Variants in FAAH2 observed in about 807,000 individuals in gnomAD.
FAAH2 encodes fatty-acid amide hydrolase 2.
FAAH2 carries 60 observed loss-of-function variants against 36.9 expected under a neutral mutation model. That is an observed-to-expected ratio of 1.63 (90% CI 1.32 to 2.02). The LOEUF is 2.02. Among genes scored for constraint, FAAH2 ranks in the 30% most tolerant of loss-of-function variants. FAAH2 has a pLI of 0.00. For synonymous variants in FAAH2, 214 were observed against 143.8 expected, an observed-to-expected ratio of 1.49 and a Z score of -3.49; for missense variants, 689 against 397.5, an observed-to-expected ratio of 1.73 and a Z score of -6.23.
intron 10 of FAAH2, among the ~76,000 whole-genome samples, chrX:57,467,619 G>A (rs1355373278): frequency 9.0e-6 from 1 of 111,729 alleles, no homozygotes; most frequent in Non-Finnish European, 1.9e-5. Context: ...GAACTGGGTG[G>A]AGCCCACCAC....
intron 3 of FAAH2, among the ~76,000 whole-genome samples, chrX:57,318,717 A>G (rs752343560): frequency 1.8e-5 from 2 of 111,930 alleles, no homozygotes; most frequent in East Asian, 5.6e-4. Context: ...AGACACAACA[A>G]AAAAAGAAAA....
intron 4 of FAAH2, among the ~76,000 whole-genome samples, chrX:57,336,594 A>T (rs1346551842): frequency 5.4e-5 from 6 of 111,728 alleles, no homozygotes; most frequent in African/African-American, 2.0e-4. Context: ...CCCACACCAA[A>T]CCACACAACT....
chrX:57,458,826 A>G (rs2056908690), intron 10 of FAAH2, among the ~76,000 whole-genome samples: 1 of 112,347 alleles, frequency 8.9e-6, no homozygotes, highest in African/African-American at 3.2e-5. Context: ...AATCCAAAGA[A>G]CAGGAGATTC....
At chrX:57,446,776 A>G (rs1257483053) in intron 8 of FAAH2, 152 bp from the exon 9 acceptor site, 2 of 418,736 alleles carry the variant, frequency 4.8e-6, no homozygotes, top group African/African-American at 4.9e-5. Context: ...ACTGAGTAAT[A>G]TTTTATCAAT....
chrX:57,349,488 TAC>T (rs1209215983), intron 5 of FAAH2, among the ~76,000 whole-genome samples: 1 of 101,620 alleles, frequency 9.8e-6, no homozygotes, highest in Non-Finnish European at 2.0e-5. Context: ...CACATATATA[TAC>T]ACATATATAC....
At chrX:57,233,833 T>C in the FAAH2 span, among the ~76,000 whole-genome samples, 1 of 112,210 alleles carries the variant, frequency 8.9e-6, no homozygotes, top group African/African-American at 3.2e-5. Flanking sequence ...TTTGTGGAGA[T>C]AGGGTTTTGC....
At chrX:57,345,944 A>C (rs1374944529) in intron 5 of FAAH2, among the ~76,000 whole-genome samples, 1 of 111,391 alleles carries the variant, frequency 9.0e-6, no homozygotes, top group Admixed American at 9.6e-5. Flanking sequence ...GAAATATTTT[A>C]TTTATATTGG....
Position 57,488,861 on chromosome X carries a change from C to T in FAAH2, c.1528C>T (p.His510Tyr). ...GGTTGTGGCTGGACCCTTTAATGAT[C>T]ATCTGACCCTGGCTGTGGCCCAGTA... ...IQVVAGPFNDHLTLAVAQYLE... is the reference protein window; with the variant it reads ...IQVVAGPFNDYLTLAVAQYLE... Residue 510 changes from histidine (H) to tyrosine (Y), a missense_variant, in exon 11 of 11, where the codon CAT becomes TAT. Physicochemically the swap from His to Tyr is moderately conservative, Grantham distance 83. Transcript: ENST00000374900. 1.2e-5 allele frequency: 15 copies of T among 1,211,008 alleles called. No individual in the cohort carries two copies. Among genetic ancestry groups the T allele is most frequent in the Non-Finnish European group, 1.5e-5 (13 of 895,335 alleles).
At chrX:57,454,284 C>T (rs756216092) in intron 10 of FAAH2, among the ~76,000 whole-genome samples, 32 of 112,516 alleles carry the variant, frequency 2.8e-4, no homozygotes, top group African/African-American at 9.7e-4. Context: ...AAAGTCATGA[C>T]CCTTTGAAAT....
chrX:57,481,409 C>T (rs952654199), intron 10 of FAAH2, among the ~76,000 whole-genome samples: 1 of 111,419 alleles, frequency 9.0e-6, no homozygotes, highest in African/African-American at 3.3e-5. Flanking sequence ...AGCTGATAAC[C>T]TTGGATGGGG....
At chrX:57,159,399 G>C in the FAAH2 span, among the ~76,000 whole-genome samples, 4 of 111,439 alleles carry the variant, frequency 3.6e-5, no homozygotes, top group East Asian at 8.4e-4. Flanking sequence ...AGCTTGATGG[G>C]GATGGCATTG....
At chrX:57,393,302 G>T in intron 7 of FAAH2, 1 of 1,010,021 alleles carries the variant, frequency 9.9e-7, no homozygotes, top group Non-Finnish European at 1.4e-6. Context: ...AGGCATTCCA[G>T]CAGTGACCAT....
chrX:57,259,397 T>A, the FAAH2 span, among the ~76,000 whole-genome samples: 1 of 111,858 alleles, frequency 8.9e-6, no homozygotes, highest in Non-Finnish European at 1.9e-5. Context: ...GGGGTGTTTG[T>A]ATGTCTGTGT....
chrX:57,223,000 G>C, the FAAH2 span, among the ~76,000 whole-genome samples: 1 of 111,799 alleles, frequency 8.9e-6, no homozygotes, highest in Non-Finnish European at 1.9e-5. Context: ...TCTTCCTCAA[G>C]CTCTCACTCT....
intron 7 of FAAH2, chrX:57,393,089 G>T: frequency 3.2e-6 from 3 of 935,659 alleles, no homozygotes; most frequent in Non-Finnish European, 1.6e-6. Flanking sequence ...CTGCCAGTGA[G>T]TGCACTTCAC....
intron 10 of FAAH2, among the ~76,000 whole-genome samples, chrX:57,470,725 G>A (rs188501284): frequency 1.6e-4 from 18 of 111,575 alleles, no homozygotes; most frequent in East Asian, 1.1e-3. Flanking sequence ...GAAAAAGAGC[G>A]AATCCTCCCT....
At chrX:57,293,298 C>T (rs2052039477) in intron 2 of FAAH2, among the ~76,000 whole-genome samples, 1 of 111,729 alleles carries the variant, frequency 9.0e-6, no homozygotes. Flanking sequence ...TATTGAAAAC[C>T]TATCATTTAA....
intron 10 of FAAH2, among the ~76,000 whole-genome samples, chrX:57,479,494 C>T (rs2057337707): frequency 9.0e-6 from 1 of 111,015 alleles, no homozygotes; most frequent in South Asian, 3.8e-4. Context: ...CTTCCCCTGC[C>T]TAATTTCCCT....
chrX:57,128,032 G>A, the FAAH2 span, among the ~76,000 whole-genome samples: 1,291 of 111,605 alleles, frequency 0.012, 16 homozygotes, highest in African/African-American at 0.04. Flanking sequence ...GGTATTGATA[G>A]ACATTCAAGA....
Sources: allele counts gnomAD v4.1 joint callset (sites outside exome capture counted in the v4.1 genomes callset), GRCh38; gene constraint gnomAD v4.1.1; transcripts MANE v1.5; gene names NCBI Gene and HGNC (gene_info 2026-07-23, HGNC 2026-07-21).